RALYL: variants seen among roughly 807,000 people sequenced by gnomAD.
RALYL encodes RNA-binding Raly-like protein.
A neutral mutation model predicts 35.1 loss-of-function variants in RALYL; 29 were observed. That is an observed-to-expected ratio of 0.83 (90% CI 0.61 to 1.13). The LOEUF (loss-of-function observed/expected upper bound fraction) is 1.13. RALYL is among the 50% of genes most tolerant of loss of function. RALYL has a pLI of 0.00. For missense variants in RALYL, 359 were observed against 360.4 expected (o/e 1.00, Z 0.03); for synonymous variants, 120 against 127.6 (o/e 0.94, Z 0.40).
intron 2 of RALYL, among the ~76,000 whole-genome samples, chr8:84,761,525 T>A (rs1441924057): frequency 2.0e-5 from 3 of 152,064 alleles, no homozygotes; most frequent in Non-Finnish European, 4.4e-5. Flanking sequence ...AATTATATAA[T>A]TTTAATAATT....
chr8:84,821,120 T>C (rs1048627437), intron 4 of RALYL, among the ~76,000 whole-genome samples: 1 of 152,202 alleles, frequency 6.6e-6, no homozygotes, highest in Non-Finnish European at 1.5e-5. Flanking sequence ...TTAAATATAC[T>C]GAAGACTGAA....
intron 2 of RALYL, among the ~76,000 whole-genome samples, chr8:84,739,661 A>T (rs1206981821): frequency 6.6e-6 from 1 of 151,908 alleles, no homozygotes; most frequent in Non-Finnish European, 1.5e-5. Flanking sequence ...AGTCATGAAG[A>T]CAATAATTAT....
chr8:84,731,143 A>G (rs1230693616), intron 2 of RALYL, among the ~76,000 whole-genome samples: 1 of 152,136 alleles, frequency 6.6e-6, no homozygotes, highest in Non-Finnish European at 1.5e-5. Context: ...TATGCATTAG[A>G]TACTATTACT....
At chr8:84,495,494 C>A (rs908085196) in intron 1 of RALYL, among the ~76,000 whole-genome samples, 4 of 151,830 alleles carry the variant, frequency 2.6e-5, no homozygotes, top group Non-Finnish European at 5.9e-5. Flanking sequence ...AAATATCTAA[C>A]AAAAATGGAT....
intron 2 of RALYL, among the ~76,000 whole-genome samples, chr8:84,666,995 A>T (rs1048481328): frequency 1.3e-5 from 2 of 152,136 alleles, no homozygotes; most frequent in Non-Finnish European, 2.9e-5. Context: ...CTGAATGAGA[A>T]GTGCAACATT....
intron 2 of RALYL, among the ~76,000 whole-genome samples, chr8:84,767,915 A>C (rs1156770907): frequency 6.6e-6 from 1 of 152,198 alleles, no homozygotes; most frequent in African/African-American, 2.4e-5. Context: ...GCTTTTTGAA[A>C]TATGCCAAAA....
chr8:84,577,237 A>G (rs920699017), intron 2 of RALYL, among the ~76,000 whole-genome samples: 4 of 152,240 alleles, frequency 2.6e-5, no homozygotes, highest in Non-Finnish European at 4.4e-5. Flanking sequence ...CACTATCCAC[A>G]TATTTTGCAA....
At chr8:84,616,575 G>C (rs1174299101) in intron 2 of RALYL, among the ~76,000 whole-genome samples, 1 of 148,898 alleles carries the variant, frequency 6.7e-6, no homozygotes, top group Non-Finnish European at 1.5e-5. Context: ...TTCTTTTGCT[G>C]TGCAGAAGCT....
intron 1 of RALYL, among the ~76,000 whole-genome samples, chr8:84,189,026 T>A (rs2130842975): frequency 6.6e-6 from 1 of 152,272 alleles, no homozygotes; most frequent in East Asian, 1.9e-4. Flanking sequence ...GCCACAGAGA[T>A]GGCAGTTGGA....
chr8:84,534,015 C>G (rs556630876), intron 2 of RALYL, among the ~76,000 whole-genome samples: 272 of 152,342 alleles, frequency 1.8e-3, no homozygotes, highest in African/African-American at 6.2e-3. Flanking sequence ...AATCATGTCA[C>G]TGTCTTTTAA....
intron 2 of RALYL, among the ~76,000 whole-genome samples, chr8:84,563,288 T>G (rs1330802564): frequency 2.0e-5 from 3 of 151,596 alleles, no homozygotes; most frequent in African/African-American, 7.3e-5. Flanking sequence ...CATAAGCTCA[T>G]GAGGAAACAC....
intron 1 of RALYL, among the ~76,000 whole-genome samples, chr8:84,491,784 T>G (rs2055338409): frequency 6.6e-6 from 1 of 152,038 alleles, no homozygotes; most frequent in Admixed American, 6.6e-5. Context: ...TAGATATATT[T>G]GATGATAATC....
chr8:84,281,975 G>A (rs1005802439), intron 1 of RALYL, among the ~76,000 whole-genome samples: 47 of 151,904 alleles, frequency 3.1e-4, no homozygotes, highest in African/African-American at 1.1e-3. Context: ...TGTACTCTAT[G>A]ATTTAGCCAT....
chr8:84,708,107 AAAGAT>A (rs1373758146), intron 2 of RALYL, among the ~76,000 whole-genome samples: 1 of 152,128 alleles, frequency 6.6e-6, no homozygotes, highest in Non-Finnish European at 1.5e-5. Context: ...CTCATTATCC[AAAGAT>A]TTAATATGGT....
intron 1 of RALYL, among the ~76,000 whole-genome samples, chr8:84,488,407 A>G (rs554464126): frequency 6.6e-6 from 1 of 152,212 alleles, no homozygotes; most frequent in South Asian, 2.1e-4. Flanking sequence ...TAGAGAGCCC[A>G]GGAAGTACAC....
At chr8:84,416,426 A>T (rs1455694560) in intron 1 of RALYL, among the ~76,000 whole-genome samples, 1 of 152,240 alleles carries the variant, frequency 6.6e-6, no homozygotes, top group Non-Finnish European at 1.5e-5. Flanking sequence ...GGTGGCATTT[A>T]GGAAGTAGTA....
At chr8:84,779,432 G>C (rs899544546) in intron 3 of RALYL, among the ~76,000 whole-genome samples, 5 of 152,068 alleles carry the variant, frequency 3.3e-5, no homozygotes, top group African/African-American at 9.7e-5. Context: ...TACTTGCAGG[G>C]AACTCAACTC....
intron 8 of RALYL, among the ~76,000 whole-genome samples, chr8:84,917,549 T>C (rs1848679809): frequency 6.6e-6 from 1 of 150,870 alleles, no homozygotes; most frequent in South Asian, 2.1e-4. Flanking sequence ...TGTTGGGAAA[T>C]TACATACTAG....
chr8:84,877,910 TTAAAGA>T (rs1841479705), intron 7 of RALYL, among the ~76,000 whole-genome samples: 1 of 152,164 alleles, frequency 6.6e-6, no homozygotes, highest in Admixed American at 6.5e-5. Flanking sequence ...ATGCTTCCGG[TTAAAGA>T]TGATGAATTA....
Sources: allele counts gnomAD v4.1 joint callset (sites outside exome capture counted in the v4.1 genomes callset), GRCh38; gene constraint gnomAD v4.1.1; transcripts MANE v1.5; gene names NCBI Gene and HGNC (gene_info 2026-07-23, HGNC 2026-07-21).